Variants in GAB2 observed in about 807,000 individuals in gnomAD.
The protein encoded by GAB2 is GRB2-associated-binding protein 2.
GAB2 carries 26 observed loss-of-function variants against 65.5 expected under a neutral mutation model. The observed-to-expected ratio is 0.40, with a 90% CI of 0.29 to 0.55. GAB2 has a LOEUF of 0.55. Ranked by LOEUF, GAB2 falls within the 20% of genes least tolerant of loss-of-function variation. The pLI, the probability that GAB2 is intolerant of heterozygous loss-of-function variation, is 0.53. For synonymous variants in GAB2, 321 were observed against 329.6 expected, an observed-to-expected ratio of 0.97 and a Z score of 0.28; for missense variants, 884 against 875.8, an observed-to-expected ratio of 1.01 and a Z score of -0.12.
At chr11:78,278,501 C>T (rs929716157) in intron 2 of GAB2, among the ~76,000 whole-genome samples, 8 of 151,614 alleles carry the variant, frequency 5.3e-5, no homozygotes, top group Admixed American at 5.3e-4. Flanking sequence ...TCACTTCTGC[C>T]TCCTGAGTAG....
At chr11:78,375,746 C>T (rs559019520) in intron 1 of GAB2, among the ~76,000 whole-genome samples, 16 of 152,300 alleles carry the variant, frequency 1.1e-4, no homozygotes, top group African/African-American at 2.2e-4. Flanking sequence ...TCCATTTTCC[C>T]TCTTTGACTC....
chr11:78,219,042 A>G lies in GAB2; in HGVS notation c.*230T>C, dbSNP rs1864285261. The G allele has an allele frequency of 9.3e-6, 5 of 535,450 alleles. No homozygotes were observed. Among genetic ancestry groups the G allele is most frequent in the Admixed American group, 6.5e-5 (2 of 30,892 alleles). The allele number at this position is 535,450 out of a possible 1,614,324, so 33.2% of individuals were successfully genotyped here. On this transcript the variant is annotated 3_prime_UTR_variant, in exon 10 of 10. Coordinates refer to ENST00000361507, the MANE Select transcript of GAB2 (RefSeq NM_080491.3). Reference sequence around the variant, plus strand: ...AACTAAGGTGGGTGGAGGCATGGCCATTACTGATAAAAATCACAGCTGGGC... The same window carrying G: ...AACTAAGGTGGGTGGAGGCATGGCCGTTACTGATAAAAATCACAGCTGGGC...
chr11:78,336,054 C>T (rs943787477), intron 1 of GAB2, among the ~76,000 whole-genome samples: 2 of 151,936 alleles, frequency 1.3e-5, no homozygotes, highest in African/African-American at 4.8e-5. Context: ...TGGCTCACAC[C>T]TGCAATCCCA....
intron 1 of GAB2, among the ~76,000 whole-genome samples, chr11:78,318,572 G>C (rs542270196): frequency 6.6e-6 from 1 of 151,954 alleles, no homozygotes; most frequent in Admixed American, 6.6e-5. Context: ...AACGGCAGTG[G>C]CAGTAGGGAA....
intron 1 of GAB2, among the ~76,000 whole-genome samples, chr11:78,331,152 G>A (rs955552216): frequency 1.3e-5 from 2 of 151,830 alleles, no homozygotes; most frequent in African/African-American, 4.8e-5. Flanking sequence ...TCCAGCCTGG[G>A]TGACAGAGAC....
chr11:78,263,451 G>T (rs1240372931), intron 2 of GAB2, among the ~76,000 whole-genome samples: 1 of 152,002 alleles, frequency 6.6e-6, no homozygotes, highest in African/African-American at 2.4e-5. Flanking sequence ...GGCTAACACG[G>T]TGAAACCCCA....
chr11:78,382,644 G>C (rs893675756), intron 1 of GAB2, among the ~76,000 whole-genome samples: 3 of 151,988 alleles, frequency 2.0e-5, no homozygotes, highest in Admixed American at 2.0e-4. Context: ...AAGTCACCAC[G>C]CATGGAAAGC....
chr11:78,380,820 G>A (rs1374106429), intron 1 of GAB2, among the ~76,000 whole-genome samples: 1 of 129,572 alleles, frequency 7.7e-6, no homozygotes, highest in Non-Finnish European at 1.5e-5. Context: ...TGGCGCCAGA[G>A]ATAAGACCAT....
intron 2 of GAB2, 41 bp from the exon 3 acceptor site, chr11:78,250,441 A>C: frequency 6.3e-7 from 1 of 1,580,238 alleles, no homozygotes; most frequent in South Asian, 1.1e-5. Flanking sequence ...AAAGGAAGGA[A>C]ATGTATCCTT....
chr11:78,232,935 A>G (rs1019291969), intron 3 of GAB2, among the ~76,000 whole-genome samples: 35 of 152,176 alleles, frequency 2.3e-4, no homozygotes, highest in Non-Finnish European at 4.4e-4. Flanking sequence ...GTAAACTTTA[A>G]AGCATCATTT....
At chr11:78,400,901 CAAAAAAAAAAAAAAAAA>C (rs59240034) in intron 1 of GAB2, among the ~76,000 whole-genome samples, 7 of 65,246 alleles carry the variant, frequency 1.1e-4, no homozygotes, top group Non-Finnish European at 1.9e-4. Flanking sequence ...GAGACTGTCT[CAAAAAAAAAAAAAAAAA>C]AAAAAAAAAG....
At chr11:78,266,950 G>A (rs1031176431) in intron 2 of GAB2, among the ~76,000 whole-genome samples, 4 of 152,234 alleles carry the variant, frequency 2.6e-5, no homozygotes, top group South Asian at 4.1e-4. Flanking sequence ...CCAAGAGGAG[G>A]AAGAAGCATG....
chr11:78,305,017 T>C (rs540202740), intron 1 of GAB2, among the ~76,000 whole-genome samples: 1 of 152,222 alleles, frequency 6.6e-6, no homozygotes, highest in Non-Finnish European at 1.5e-5. Context: ...ACAGGCACAG[T>C]GCCTCTCCTT....
intron 1 of GAB2, among the ~76,000 whole-genome samples, chr11:78,405,796 T>C (rs1857036288): frequency 6.6e-6 from 1 of 152,212 alleles, no homozygotes; most frequent in Admixed American, 6.5e-5. Context: ...TATCTCAGAC[T>C]TGGAGCTGAA....
At chr11:78,303,044 G>C (rs953762087) in intron 1 of GAB2, among the ~76,000 whole-genome samples, 2 of 152,172 alleles carry the variant, frequency 1.3e-5, no homozygotes, top group Non-Finnish European at 2.9e-5. Context: ...GGGGACTCGG[G>C]AAAGGGTGAG....
At chr11:78,299,079 A>C (rs1288976975) in intron 1 of GAB2, among the ~76,000 whole-genome samples, 1 of 152,164 alleles carries the variant, frequency 6.6e-6, no homozygotes, top group Non-Finnish European at 1.5e-5. Flanking sequence ...TACAAACCTC[A>C]AATGACTCTA....
At chr11:78,284,930 T>C (rs1866435861) in intron 1 of GAB2, among the ~76,000 whole-genome samples, 1 of 152,174 alleles carries the variant, frequency 6.6e-6, no homozygotes, top group South Asian at 2.1e-4. Flanking sequence ...TTCTATTATC[T>C]AGCAGGTCAA....
At chr11:78,292,766 G>T (rs1591007538) in intron 1 of GAB2, among the ~76,000 whole-genome samples, 1 of 152,296 alleles carries the variant, frequency 6.6e-6, no homozygotes, top group African/African-American at 2.4e-5. Flanking sequence ...CTGGACCATA[G>T]AGACTTTATA....
Position 78,393,283 on chromosome 11 carries a change from G to A in GAB2, c.75+24363C>T, listed in dbSNP as rs182792828. 1.1e-4 allele frequency among the ~76,000 whole-genome samples: 17 copies of A among 152,268 alleles called. No individual in the cohort carries two copies. In the East Asian group the frequency reaches 1.5e-3, roughly 14 times the overall value. On this transcript the variant is annotated intron_variant, in intron 1 of 9. Transcript: ENST00000361507. ...CCTCCCTACTGCTGGAGATTCCCCCGCTCTAGTTATTCCAAGTTCCCTTAT... is the reference window on the plus strand; with the variant it reads ...CCTCCCTACTGCTGGAGATTCCCCCACTCTAGTTATTCCAAGTTCCCTTAT...
Sources: allele counts gnomAD v4.1 joint callset (sites outside exome capture counted in the v4.1 genomes callset), GRCh38; gene constraint gnomAD v4.1.1; transcripts MANE v1.5; gene names NCBI Gene and HGNC (gene_info 2026-07-23, HGNC 2026-07-21).